The following ABCC1 variants were observed in gnomAD, a reference collection of about 807,000 sequenced individuals.
ABCC1 encodes the protein ATP binding cassette subfamily C member 1 (ABCC1 blood group).
Under a neutral mutation model 172.9 loss-of-function variants are expected in ABCC1, and 83 were observed. That is an observed-to-expected ratio of 0.48 (90% CI 0.40 to 0.58). The LOEUF (loss-of-function observed/expected upper bound fraction) is 0.58. ABCC1 is among the 20% of genes least tolerant of loss of function. ABCC1 has a pLI of 0.00. For synonymous variants in ABCC1, 937 were observed against 825.2 expected (o/e 1.14, Z -2.32); for missense variants, 1,817 against 2,002.7 (o/e 0.91, Z 1.77).
chr16:16,038,372 A>G (rs11861014), intron 7 of ABCC1, among the ~76,000 whole-genome samples: 4,209 of 152,282 alleles, frequency 0.028, 201 homozygotes, highest in African/African-American at 0.096. Context: ...TTCTCAGTCC[A>G]TAGTCAAAGG....
intron 1 of ABCC1, among the ~76,000 whole-genome samples, chr16:15,973,493 T>G (rs1271415084): frequency 1.3e-5 from 2 of 152,104 alleles, no homozygotes; most frequent in Admixed American, 1.3e-4. Context: ...TGAGAAACCC[T>G]GGCATGGACG....
intron 5 of ABCC1, among the ~76,000 whole-genome samples, chr16:16,021,701 T>C (rs2048200386): frequency 6.6e-6 from 1 of 152,154 alleles, no homozygotes; most frequent in African/African-American, 2.4e-5. Context: ...ACTGAGACCC[T>C]GTCTCAAACA....
intron 6 of ABCC1, among the ~76,000 whole-genome samples, chr16:16,035,684 A>G (rs2048726698): frequency 6.6e-6 from 1 of 151,326 alleles, no homozygotes; most frequent in South Asian, 2.1e-4. Context: ...TTTCGTAGAG[A>G]TAGTCTCCCT....
At chr16:16,041,225 C>T (rs1023318209) in intron 7 of ABCC1, among the ~76,000 whole-genome samples, 23 of 152,132 alleles carry the variant, frequency 1.5e-4, no homozygotes, top group African/African-American at 5.5e-4. Flanking sequence ...AGCCACTGTG[C>T]CTGACTGGAG....
chr16:16,021,577 C>T (rs1300324802), intron 5 of ABCC1, among the ~76,000 whole-genome samples: 1 of 152,092 alleles, frequency 6.6e-6, no homozygotes, highest in Non-Finnish European at 1.5e-5. Flanking sequence ...ATTAGCTGGG[C>T]ATGGTGTTGA....
At chr16:15,966,448 C>T (rs2046244447) in intron 1 of ABCC1, among the ~76,000 whole-genome samples, 1 of 151,182 alleles carries the variant, frequency 6.6e-6, no homozygotes, top group Non-Finnish European at 1.5e-5. Context: ...TAGGGTTCCT[C>T]CATCAGCCTT....
intron 23 of ABCC1, among the ~76,000 whole-genome samples, chr16:16,121,067 T>C (rs2045131577): frequency 6.6e-6 from 1 of 152,178 alleles, no homozygotes; most frequent in African/African-American, 2.4e-5. Context: ...GCACTGTGCT[T>C]AGTGACATCA....
chr16:16,039,080 C>A (rs1214663112), intron 7 of ABCC1, among the ~76,000 whole-genome samples: 3 of 151,958 alleles, frequency 2.0e-5, no homozygotes, highest in Non-Finnish European at 2.9e-5. Context: ...TAGTTGGGTG[C>A]CATCGACATT....
intron 19 of ABCC1, among the ~76,000 whole-genome samples, chr16:16,100,365 G>A (rs900538977): frequency 0.033 from 16 of 492 alleles, no homozygotes; most frequent in Non-Finnish European, 0.3. Context: ...GTAGGAGAGC[G>A]GGGGGGCTCT....
intron 5 of ABCC1, among the ~76,000 whole-genome samples, chr16:16,026,486 T>TTTTTTTTTTTTTTTTTC: frequency 7.2e-6 from 1 of 138,192 alleles, no homozygotes; most frequent in African/African-American, 2.9e-5. Context: ...TTTTTTTTTT[T>TTTTTTTTTTTTTTTTTC]TTGCCAGTGA....
At chr16:15,972,786 A>AG (rs1366398581) in intron 1 of ABCC1, among the ~76,000 whole-genome samples, 1 of 106,904 alleles carries the variant, frequency 9.4e-6, no homozygotes, top group Non-Finnish European at 2.0e-5. Flanking sequence ...TTATTTTTTA[A>AG]CTTTTTTTTT....
intron 6 of ABCC1, among the ~76,000 whole-genome samples, chr16:16,035,323 G>C (rs1281369178): frequency 1.3e-5 from 2 of 152,060 alleles, no homozygotes; most frequent in African/African-American, 4.8e-5. Flanking sequence ...CTAGAATACA[G>C]GAGGCAGAGG....
rs2052131320 is a variant in ABCC1, at chr16:16,106,718, C to CT, written c.2736-18dup. 6.2e-7 allele frequency: 1 copy of CT among 1,613,686 alleles called. No individual in the cohort carries two copies. Among genetic ancestry groups the CT allele is most frequent in the African/African-American group, 1.3e-5 (1 of 74,932 alleles). On this transcript the variant is annotated intron_variant, in intron 20 of 30. Transcript: ENST00000399410. Reference sequence around the variant, plus strand: ...CCAAGGCATCTGTACGGTTGACACCCTTGTGCTTTGCTTCTCCAGACAGCT... The same window carrying CT: ...CCAAGGCATCTGTACGGTTGACACCCTTTGTGCTTTGCTTCTCCAGACAGCT...
At chr16:16,031,924 C>A (rs1005944952) in intron 5 of ABCC1, among the ~76,000 whole-genome samples, 2 of 107,702 alleles carry the variant, frequency 1.9e-5, no homozygotes, top group East Asian at 5.0e-4. Context: ...CTCACTCCAC[C>A]GCTTTTAGCT....
At chr16:15,999,632 A>G (rs1358611282) in intron 1 of ABCC1, among the ~76,000 whole-genome samples, 1 of 149,744 alleles carries the variant, frequency 6.7e-6, no homozygotes, top group Non-Finnish European at 1.5e-5. Flanking sequence ...AAAAAAAAAT[A>G]GAAAAAGAAA....
chr16:16,102,719 TA>T lies in ABCC1; in HGVS notation c.2735+4del. 2 of 1,569,744 alleles carry T rather than the reference TA, an allele frequency of 1.3e-6. No individual in the cohort carries two copies. Among genetic ancestry groups the T allele is most frequent in the Admixed American group, 1.9e-5 (1 of 53,102 alleles). On this transcript the variant is annotated splice_donor_region_variant and intron_variant, in intron 20 of 30. Transcript: ENST00000399410. The stretch of plus-strand genomic sequence containing the variant: ...CAGTGCAGGGAAGCAACTGCAGAGG[TA>T]AGGGCGGGGAGGAAGGCCCCAACCT...
intron 1 of ABCC1, among the ~76,000 whole-genome samples, chr16:15,978,100 G>A (rs1384255023): frequency 6.6e-6 from 1 of 152,086 alleles, no homozygotes. Flanking sequence ...GTTGCACATG[G>A]TGCTCATGCC....
At chr16:16,019,132 C>G (rs1230760075) in intron 5 of ABCC1, among the ~76,000 whole-genome samples, 2 of 151,918 alleles carry the variant, frequency 1.3e-5, no homozygotes, top group Non-Finnish European at 2.9e-5. Context: ...TAGACGGATT[C>G]TTGCTCTTGT....
intron 7 of ABCC1, among the ~76,000 whole-genome samples, chr16:16,040,064 T>A (rs416821): frequency 0.092 from 12,376 of 134,684 alleles, 894 homozygotes; most frequent in African/African-American, 0.23. Flanking sequence ...GTTTGTTTGT[T>A]TGTATGTATG....
Sources: allele counts gnomAD v4.1 joint callset (sites outside exome capture counted in the v4.1 genomes callset), GRCh38; gene constraint gnomAD v4.1.1; transcripts MANE v1.5; gene names NCBI Gene and HGNC (gene_info 2026-07-23, HGNC 2026-07-21).